Variants in ENY2 observed in about 807,000 individuals in gnomAD.
ENY2 encodes the protein transcription and mRNA export factor ENY2.
In ENY2, 4 loss-of-function variants were observed where a neutral mutation model predicts 15.9. The observed-to-expected ratio is 0.25, with a 90% CI of 0.12 to 0.57. ENY2 has a LOEUF of 0.57. ENY2 is among the 20% of genes least tolerant of loss of function. The probability of loss-of-function intolerance (pLI) is 0.91; values close to 1 mark genes in which losing one functional copy is unlikely to be tolerated. For synonymous variants in ENY2, 48 were observed against 38.0 expected (o/e 1.26, Z -0.97); for missense variants, 54 against 117.2 (o/e 0.46, Z 2.49).
chr8:109,342,508 T>C (rs1486988852), intron 4 of ENY2, among the ~76,000 whole-genome samples: 4 of 124,172 alleles, frequency 3.2e-5, no homozygotes, highest in African/African-American at 1.3e-4. Flanking sequence ...TATAAATATA[T>C]ATACCCTTTT....
chr8:109,345,362 T>C lies in ENY2; in HGVS notation c.*1881T>C, dbSNP rs973754258. ...ATGGGAGTATGAGAAAAGGTATAAA[T>C]TGGGTATAGTTGAGAAAAGGATTCA... is the stretch of plus-strand genomic sequence containing the variant. On this transcript the variant is annotated 3_prime_UTR_variant, in exon 5 of 5. Coordinates refer to ENST00000521688, the MANE Select transcript of ENY2 (RefSeq NM_020189.6). 6.6e-6 allele frequency: 1 copy of C among 152,160 alleles called. No homozygotes were observed. Among genetic ancestry groups the C allele is most frequent in the African/African-American group, 2.4e-5 (1 of 41,446 alleles). 9.4% of individuals were successfully genotyped at this position (152,160 alleles called of 1,614,324 possible). A position where few individuals can be genotyped will look rare whatever the true frequency, so the allele number is the denominator to read the frequency against.
intron 4 of ENY2, chr8:109,342,599 C>T: frequency 3.1e-6 from 2 of 636,144 alleles, no homozygotes; most frequent in African/African-American, 1.9e-5. Flanking sequence ...CCCGGATCTC[C>T]CAGGCTTAAG....
At chr8:109,338,805 T>A (rs1200340762) in intron 2 of ENY2, 1 of 152,392 alleles carries the variant, frequency 6.6e-6, no homozygotes, top group Non-Finnish European at 1.5e-5. Context: ...GAAATACCAT[T>A]GTCATTTTGT....
chr8:109,338,215 T>A (rs777793758), intron 2 of ENY2: 4 of 152,194 alleles, frequency 2.6e-5, no homozygotes, highest in Non-Finnish European at 4.4e-5. Flanking sequence ...ATGGTAATAT[T>A]CTAGAGAAGA....
chr8:109,335,793 T>C (rs2980570), intron 1 of ENY2: 34,164 of 179,424 alleles, frequency 0.19, 3,792 homozygotes, highest in East Asian at 0.36. Flanking sequence ...GCTCCTAGGG[T>C]CAAAGTACTT....
chr8:109,334,463 G>T lies in ENY2; in HGVS notation c.-6G>T. 1 of 1,613,826 alleles carries T rather than the reference G, an allele frequency of 6.2e-7. No individual in the cohort carries two copies. The highest frequency in any genetic ancestry group is 8.5e-7 in the Non-Finnish European group (1 of 1,179,924). ...CGCTGGGAAGGGACGGCCCTCGCCC[G>T]CGGTGATGGTGGTGAGCTATGCCCG... On this transcript the variant is annotated 5_prime_UTR_variant, in exon 1 of 5. Transcript: ENST00000521688.
intron 3 of ENY2, 110 bp downstream of exon 3, chr8:109,339,500 A>G (rs1458548915): frequency 2.3e-6 from 2 of 878,656 alleles, no homozygotes; most frequent in African/African-American, 1.7e-5. Flanking sequence ...TTTTAAACAA[A>G]TATGGAATTT....
chr8:109,343,420 G>T lies in ENY2; in HGVS notation c.245G>T (p.Ser82Ile), dbSNP rs540780869. The T allele has an allele frequency of 6.2e-7, 1 of 1,611,686 alleles. No individual in the cohort carries two copies. Among genetic ancestry groups the T allele is most frequent in the Admixed American group, 1.7e-5 (1 of 59,628 alleles). The change falls in exon 5 of 5, where the codon AGT becomes ATT. Residue 82 changes from serine (S) to isoleucine (I), a missense_variant. Physicochemically the swap from Ser to Ile is moderately radical, Grantham distance 142 (BLOSUM62 -2). Transcript: ENST00000521688. ...TPKGRALVPD[S>I]VKKELLQRIR... is the part of the protein sequence containing the mutation. ...TGTTTTTCAGCCCTGGTACCTGACAGTGTAAAGAAGGAGCTCCTACAAAGA... is the reference window on the plus strand; with the variant it reads ...TGTTTTTCAGCCCTGGTACCTGACATTGTAAAGAAGGAGCTCCTACAAAGA...
intron 1 of ENY2, chr8:109,335,536 T>C (rs975798128): frequency 2.6e-5 from 4 of 152,214 alleles, no homozygotes; most frequent in African/African-American, 9.7e-5. Flanking sequence ...CTTATTTTTC[T>C]ATTTTTAGTA....
At position 109,340,547 on chromosome 8, in the gene ENY2, C is replaced by T; in HGVS notation, c.213C>T (p.Ile71=). The change falls in exon 4 of 5, where the codon ATC becomes ATT. Residue 71 remains isoleucine, a synonymous_variant. Transcript: ENST00000521688. The part of the protein sequence containing the change: ...HVTVDDLVAE[I]TPKGRALVPD... Reference sequence around the variant, plus strand: ...CTGTTGATGACTTGGTGGCTGAAATCACTCCAAAAGGCAGAGGTAAGGAAT... The same window carrying T: ...CTGTTGATGACTTGGTGGCTGAAATTACTCCAAAAGGCAGAGGTAAGGAAT... 6.2e-7 allele frequency: 1 copy of T among 1,613,428 alleles called. No homozygotes were observed. Among genetic ancestry groups the T allele is most frequent in the Non-Finnish European group, 8.5e-7 (1 of 1,179,562 alleles).
chr8:109,336,224 A>C lies in ENY2; in HGVS notation c.83+20A>C. On this transcript the variant is annotated intron_variant, in intron 2 of 4. Transcript: ENST00000521688. ...AGAACGGTAAGTAATAGATTGTGTT[A>C]ATAAATTACATTTCACCGCCTTTAA... 2 of 1,593,076 alleles carry C rather than the reference A, an allele frequency of 1.3e-6. No homozygotes were observed. The highest frequency in any genetic ancestry group is 2.2e-5 in the South Asian group (2 of 89,450).
At position 109,344,860 on chromosome 8, in the gene ENY2, AAT is replaced by A. The variant is rs1816203066; in HGVS notation, c.*1382_*1383del. 6.6e-6 allele frequency: 1 copy of A among 152,328 alleles called. No individual in the cohort carries two copies. Among genetic ancestry groups the A allele is most frequent in the East Asian group, 1.9e-4 (1 of 5,188 alleles). 9.4% of individuals were successfully genotyped at this position (152,328 alleles called of 1,614,324 possible). On this transcript the variant is annotated 3_prime_UTR_variant, in exon 5 of 5. Transcript: ENST00000521688. ...GCCTTAGTTGATCTGTGACCCCTCC[AAT>A]ATCTATTCCACACTGTTGCCTAAGT...
intron 4 of ENY2, among the ~76,000 whole-genome samples, chr8:109,342,388 AAC>A (rs745927001): frequency 1.4e-4 from 21 of 151,170 alleles, no homozygotes; most frequent in Non-Finnish European, 2.4e-4. Context: ...CAATGTTGCC[AAC>A]AGTGTGTATG....
intron 2 of ENY2, among the ~76,000 whole-genome samples, chr8:109,337,111 A>G (rs374880464): frequency 7.0e-6 from 1 of 143,638 alleles, no homozygotes; most frequent in Non-Finnish European, 1.5e-5. Flanking sequence ...TCACATTTAC[A>G]CTTTAGGAAT....
intron 1 of ENY2, 89 bp from the exon 2 acceptor site, chr8:109,336,039 T>G: frequency 8.6e-7 from 1 of 1,162,384 alleles, no homozygotes; most frequent in Non-Finnish European, 1.3e-6. Context: ...GTTAATAGAA[T>G]GGTAAACATG....
chr8:109,334,910 C>T (rs1173507253), intron 1 of ENY2: 2 of 164,790 alleles, frequency 1.2e-5, no homozygotes, highest in African/African-American at 4.8e-5. Flanking sequence ...TTTCCTAGTT[C>T]TCACTCAACT....
intron 4 of ENY2, chr8:109,342,640 T>C (rs1214507899): frequency 1.5e-6 from 1 of 683,888 alleles, no homozygotes; most frequent in Non-Finnish European, 2.7e-6. Flanking sequence ...CCCGAGTAGC[T>C]GAGACCACAG....
rs1217394978 is a variant in ENY2, at chr8:109,339,696, A to G, written c.154+306A>G. ...TTAAATGGAACACTTTAGGGTTGGC[A>G]GACTTATAGAAATTATCTCTTTCCT... is the stretch of plus-strand genomic sequence containing the variant. On this transcript the variant is annotated intron_variant, in intron 3 of 4. Transcript: ENST00000521688. 3 of 258,578 alleles carry G rather than the reference A, an allele frequency of 1.2e-5. No homozygotes were observed. The East Asian group carries it at 2.3e-4, about 20-fold the overall frequency. 16.0% of individuals were successfully genotyped at this position (258,578 alleles called of 1,614,324 possible).
At chr8:109,337,559 T>A (rs1816013397) in intron 2 of ENY2, among the ~76,000 whole-genome samples, 1 of 151,976 alleles carries the variant, frequency 6.6e-6, no homozygotes, top group African/African-American at 2.4e-5. Context: ...AGAGGAACAA[T>A]AAAGCAGAAA....
Sources: gnomAD v4.1 joint callset for allele counts (sites outside exome capture counted in the v4.1 genomes callset) on GRCh38, gnomAD v4.1.1 for gene constraint, MANE v1.5 for transcripts, NCBI Gene and HGNC (gene_info 2026-07-23, HGNC 2026-07-21) for gene names.